Variants in ZNF33B observed in about 807,000 individuals in gnomAD.
ZNF33B encodes zinc finger protein 11b (KOX 2).
ZNF33B carries 29 observed loss-of-function variants against 45.8 expected under a neutral mutation model. That is an observed-to-expected ratio of 0.63 (90% CI 0.47 to 0.86). ZNF33B has a LOEUF of 0.86. ZNF33B is among the 40% of genes least tolerant of loss of function. The probability of loss-of-function intolerance (pLI) is 0.00; values close to 1 mark genes in which losing one functional copy is unlikely to be tolerated. For synonymous variants in ZNF33B, 305 were observed against 307.8 expected, an observed-to-expected ratio of 0.99 and a Z score of 0.10; for missense variants, 831 against 909.9, an observed-to-expected ratio of 0.91 and a Z score of 1.12.
Position 42,593,302 on chromosome 10 carries a change from C to A in ZNF33B, c.1648G>T (p.Glu550Ter). ...LTIHQRTHTG[E>*]KPFACPECGK... is the part of the protein sequence containing the mutation. ...CATTCAGGACATGCAAAGGGTTTCTCCCCTGTGTGCGTTCTCTGATGTATT... is the reference window on the plus strand; with the variant it reads ...CATTCAGGACATGCAAAGGGTTTCTACCCTGTGTGCGTTCTCTGATGTATT... The change falls in exon 5 of 5, where the codon GAG (glutamate) becomes TAG (stop). Residue 550 changes from glutamate (E) to a stop codon, truncating the protein, a stop_gained. Transcript: ENST00000359467. LOFTEE classifies it high-confidence loss of function. 1 of 1,613,976 alleles carries A rather than the reference C, an allele frequency of 6.2e-7. No homozygotes were observed. The highest frequency in any genetic ancestry group is 8.5e-7 in the Non-Finnish European group (1 of 1,179,964).
At chr10:42,581,195 T>A (rs1177416427) in intron 1 of ZNF33B, among the ~76,000 whole-genome samples, 2 of 151,828 alleles carry the variant, frequency 1.3e-5, no homozygotes. Context: ...AGAATGAAAG[T>A]GTGGCCCGGG....
rs190954969 is a variant in ZNF33B at position 42,595,460 on chromosome 10, T to A, written c.251-761A>T. Reference sequence around the variant, plus strand: ...GAAAATAAGACTTGTAATTCAAGTCTTATTAAAGACTTATTAAAGACATTC... The same window carrying A: ...GAAAATAAGACTTGTAATTCAAGTCATATTAAAGACTTATTAAAGACATTC... On this transcript the variant is annotated intron_variant, in intron 4 of 4. Coordinates refer to ENST00000359467, the MANE Select transcript of ZNF33B (RefSeq NM_006955.3). Among the ~76,000 whole-genome samples the A allele has an allele frequency of 6.1e-3, 930 of 152,222 alleles. 6 individuals carry two copies. The highest frequency in any genetic ancestry group is 0.02 in the African/African-American group (841 of 41,526).
chr10:42,628,419 T>C (rs1247626364), intron 4 of ZNF33B, among the ~76,000 whole-genome samples: 1 of 152,294 alleles, frequency 6.6e-6, no homozygotes, highest in Admixed American at 6.5e-5. Flanking sequence ...ATTCTATCAA[T>C]TGCTAAGAGG....
intron 1 of ZNF33B, among the ~76,000 whole-genome samples, chr10:42,576,616 C>A (rs781099922): frequency 6.6e-6 from 1 of 152,150 alleles, no homozygotes; most frequent in Non-Finnish European, 1.5e-5. Flanking sequence ...ACTGTGCGCA[C>A]CCATCATCTG....
intron 2 of ZNF33B, among the ~76,000 whole-genome samples, chr10:42,635,366 G>C (rs530236070): frequency 6.6e-6 from 1 of 152,116 alleles, no homozygotes; most frequent in Non-Finnish European, 1.5e-5. Flanking sequence ...TGAGCAGGGA[G>C]GTGTCAGGAT....
chr10:42,578,325 G>C (rs535916829), intron 1 of ZNF33B, among the ~76,000 whole-genome samples: 1 of 152,150 alleles, frequency 6.6e-6, no homozygotes, highest in African/African-American at 2.4e-5. Context: ...TGGCTGCCTC[G>C]GCACAGCACT....
At chr10:42,605,403 G>A (rs1395116885) in intron 4 of ZNF33B, 1 of 151,982 alleles carries the variant, frequency 6.6e-6, no homozygotes, top group Non-Finnish European at 1.5e-5. Flanking sequence ...TTCAGAGACA[G>A]TAGAGGCCAG....
At chr10:42,616,963 G>T (rs1838347995) in intron 4 of ZNF33B, among the ~76,000 whole-genome samples, 1 of 151,320 alleles carries the variant, frequency 6.6e-6, no homozygotes. Context: ...CAAAGTGCTG[G>T]GATTACAGGC....
At chr10:42,612,156 T>C (rs1334128750) in intron 4 of ZNF33B, among the ~76,000 whole-genome samples, 1 of 152,048 alleles carries the variant, frequency 6.6e-6, no homozygotes, top group Non-Finnish European at 1.5e-5. Flanking sequence ...GAATGGGTGT[T>C]GAATGCTTCT....
At position 42,591,308 on chromosome 10, in the gene ZNF33B, A is replaced by C; in HGVS notation, c.*1305T>G. On this transcript the variant is annotated 3_prime_UTR_variant, in exon 5 of 5. Coordinates refer to ENST00000359467, the MANE Select transcript of ZNF33B (RefSeq NM_006955.3). ...AAAATTTGGACTATCACTTACGCTG[A>C]AGGCTGGAGTGTTCACATATGTACC... 1 of 815,086 alleles carries C rather than the reference A, an allele frequency of 1.2e-6. No homozygotes were observed. The highest frequency in any genetic ancestry group is 1.5e-6 in the Non-Finnish European group (1 of 675,142). 50.5% of individuals were successfully genotyped at this position (815,086 alleles called of 1,614,324 possible).
chr10:42,620,399 TTTGA>T (rs940436728), intron 4 of ZNF33B, among the ~76,000 whole-genome samples: 1 of 151,648 alleles, frequency 6.6e-6, no homozygotes, highest in African/African-American at 2.4e-5. Flanking sequence ...GCAGAATGGA[TTTGA>T]TTGATTTATT....
intron 4 of ZNF33B, among the ~76,000 whole-genome samples, chr10:42,615,409 T>G (rs1186543209): frequency 6.6e-6 from 1 of 152,216 alleles, no homozygotes; most frequent in Non-Finnish European, 1.5e-5. Flanking sequence ...GAAATATTGA[T>G]ACATGCTACA....
intron 2 of ZNF33B, among the ~76,000 whole-genome samples, chr10:42,636,655 A>G (rs529744975): frequency 7.9e-5 from 12 of 152,258 alleles, no homozygotes; most frequent in African/African-American, 2.6e-4. Context: ...ACACATCTCT[A>G]TTAAAATGCA....
intron 4 of ZNF33B, among the ~76,000 whole-genome samples, chr10:42,615,714 A>G (rs1838283017): frequency 6.6e-6 from 1 of 152,166 alleles, no homozygotes; most frequent in Admixed American, 6.5e-5. Flanking sequence ...ACTTGAGGTC[A>G]GGAGTTCCAG....
chr10:42,628,544 T>G (rs1262781747), intron 4 of ZNF33B, among the ~76,000 whole-genome samples: 1 of 152,232 alleles, frequency 6.6e-6, no homozygotes. Context: ...CATTGCATTT[T>G]TGTTGGATTG....
intron 4 of ZNF33B, among the ~76,000 whole-genome samples, chr10:42,630,783 T>C (rs1050901421): frequency 6.6e-6 from 1 of 152,204 alleles, no homozygotes; most frequent in Non-Finnish European, 1.5e-5. Context: ...AAATCAGATG[T>C]TGCTCATCTG....
chr10:42,597,913 A>G (rs935193216), intron 4 of ZNF33B, among the ~76,000 whole-genome samples: 4 of 152,204 alleles, frequency 2.6e-5, no homozygotes, highest in African/African-American at 7.2e-5. Context: ...AGAAACCAAA[A>G]ATGGCTTCAT....
chr10:42,601,468 G>GTTTTTTTTTTTT (rs57196690), intron 4 of ZNF33B, among the ~76,000 whole-genome samples: 1 of 79,444 alleles, frequency 1.3e-5, no homozygotes, highest in African/African-American at 5.0e-5. Context: ...ACATGGGCTT[G>GTTTTTTTTTTTT]TTTTTTTTTT....
chr10:42,610,492 C>T (rs572014996), intron 4 of ZNF33B, among the ~76,000 whole-genome samples: 5 of 152,208 alleles, frequency 3.3e-5, no homozygotes, highest in Non-Finnish European at 5.9e-5. Flanking sequence ...GAGCCAAGAT[C>T]GCGCCATTGC....
Sources: allele counts gnomAD v4.1 joint callset (sites outside exome capture counted in the v4.1 genomes callset), GRCh38; gene constraint gnomAD v4.1.1; transcripts MANE v1.5; gene names NCBI Gene and HGNC (gene_info 2026-07-23, HGNC 2026-07-21).